The following EPHA7 variants were observed in gnomAD, a reference collection of about 807,000 sequenced individuals.
EPHA7 encodes EPH receptor A7, also known as ephrin type-A receptor 7.
In EPHA7, 25 loss-of-function variants were observed where a neutral mutation model predicts 112.6. The observed-to-expected ratio is 0.22, with a 90% CI of 0.16 to 0.31. The LOEUF is 0.31. Ranked by LOEUF, EPHA7 falls within the 10% of genes least tolerant of loss-of-function variation. The pLI, the probability that EPHA7 is intolerant of heterozygous loss-of-function variation, is 1.00. For synonymous variants in EPHA7, 437 were observed against 406.5 expected, an observed-to-expected ratio of 1.07 and a Z score of -0.90; for missense variants, 962 against 1,212.6, an observed-to-expected ratio of 0.79 and a Z score of 3.07.
At chr6:93,387,336 C>T (rs1777659068) in intron 3 of EPHA7, among the ~76,000 whole-genome samples, 1 of 152,126 alleles carries the variant, frequency 6.6e-6, no homozygotes, top group South Asian at 2.1e-4. Context: ...TCATCTCCAT[C>T]TGAGACCACC....
chr6:93,245,644 T>A (rs932900354), intron 15 of EPHA7, among the ~76,000 whole-genome samples, 191 bp from the exon 16 acceptor site: 3 of 152,162 alleles, frequency 2.0e-5, no homozygotes. Context: ...ACTCCTAAAT[T>A]TACATTTTAT....
intron 5 of EPHA7, among the ~76,000 whole-genome samples, chr6:93,327,872 T>C (rs145079837): frequency 1.4e-3 from 216 of 151,674 alleles, no homozygotes; most frequent in African/African-American, 5.0e-3. Context: ...GTTATGAAAG[T>C]ATATTCATGT....
intron 5 of EPHA7, among the ~76,000 whole-genome samples, chr6:93,293,766 G>A (rs1238643952): frequency 3.9e-5 from 6 of 152,148 alleles, no homozygotes; most frequent in African/African-American, 1.4e-4. Flanking sequence ...AATTTCCTTG[G>A]AAGACATGTT....
At chr6:93,394,833 C>T (rs952938094) in intron 3 of EPHA7, among the ~76,000 whole-genome samples, 2 of 151,784 alleles carry the variant, frequency 1.3e-5, no homozygotes, top group Non-Finnish European at 2.9e-5. Context: ...CTCAGAAAAT[C>T]CAGTGCTATG....
chr6:93,380,062 T>G (rs909812193), intron 3 of EPHA7, among the ~76,000 whole-genome samples: 1 of 152,080 alleles, frequency 6.6e-6, no homozygotes, highest in Admixed American at 6.6e-5. Context: ...CTGGGTTTCT[T>G]GCCTCAGTGA....
intron 5 of EPHA7, among the ~76,000 whole-genome samples, chr6:93,329,095 TA>T (rs1346421844): frequency 1.3e-5 from 2 of 151,522 alleles, no homozygotes; most frequent in Admixed American, 1.3e-4. Flanking sequence ...TGATGTAGGG[TA>T]TTTTTTTCAT....
At chr6:93,288,051 C>CT (rs1162757591) in intron 5 of EPHA7, among the ~76,000 whole-genome samples, 1 of 151,986 alleles carries the variant, frequency 6.6e-6, no homozygotes, top group African/African-American at 2.4e-5. Context: ...ATAAAGTTAC[C>CT]ATATGACCTA....
intron 5 of EPHA7, among the ~76,000 whole-genome samples, chr6:93,299,888 C>T (rs907912798): frequency 1.3e-5 from 2 of 152,122 alleles, no homozygotes; most frequent in Non-Finnish European, 2.9e-5. Context: ...AAAGTGAATA[C>T]TACATGTTCT....
chr6:93,308,157 C>A (rs1043796738), intron 5 of EPHA7, among the ~76,000 whole-genome samples: 7 of 152,032 alleles, frequency 4.6e-5, no homozygotes, highest in Non-Finnish European at 8.8e-5. Context: ...CATTTTTAAT[C>A]TTTTGAGGTT....
In EPHA7 at chr6:93,246,837, A is replaced by G; in HGVS notation, c.2681T>C (p.Ile894Thr). 6.2e-7 allele frequency: 1 copy of G among 1,612,868 alleles called. No homozygotes were observed. Among genetic ancestry groups the G allele is most frequent in the Non-Finnish European group, 8.5e-7 (1 of 1,178,960 alleles). Reference protein sequence around the residue: ...EQIVGILDKMIRNPNSLKTPL... With the variant: ...EQIVGILDKMTRNPNSLKTPL... Reference sequence around the variant, plus strand: ...AGTTTTCAGACTATTTGGGTTTCGAATCATTTTGTCTAGAATTCCAACTAT... The same window carrying G: ...AGTTTTCAGACTATTTGGGTTTCGAGTCATTTTGTCTAGAATTCCAACTAT... Residue 894 changes from isoleucine (I) to threonine (T), a missense_variant, in exon 15 of 17, where the codon ATT becomes ACT. Around this residue, in one of 3 missense-constraint regions of EPHA7, gnomAD observed 746 missense variants for 889.2 expected, o/e 0.84. Transcript: ENST00000369303.
intron 3 of EPHA7, among the ~76,000 whole-genome samples, chr6:93,374,964 A>G (rs1324247027): frequency 6.6e-6 from 1 of 152,178 alleles, no homozygotes. Flanking sequence ...ACATACAAAA[A>G]TTTCTGAATA....
chr6:93,396,069 C>T (rs1778157425), intron 3 of EPHA7, among the ~76,000 whole-genome samples: 1 of 151,856 alleles, frequency 6.6e-6, no homozygotes, highest in African/African-American at 2.4e-5. Flanking sequence ...AGGATGCAAT[C>T]AGACAGGCAA....
intron 4 of EPHA7, among the ~76,000 whole-genome samples, chr6:93,357,953 C>A (rs943327846): frequency 6.6e-6 from 1 of 152,100 alleles, no homozygotes; most frequent in African/African-American, 2.4e-5. Context: ...AGCCACCCTG[C>A]CTGACTGACC....
chr6:93,291,046 C>G (rs1772333413), intron 5 of EPHA7, among the ~76,000 whole-genome samples: 1 of 152,100 alleles, frequency 6.6e-6, no homozygotes, highest in Non-Finnish European at 1.5e-5. Context: ...ACCAAGAAAT[C>G]CGAATTTTTC....
chr6:93,250,272 C>G (rs1045885723), intron 14 of EPHA7, among the ~76,000 whole-genome samples: 1 of 152,106 alleles, frequency 6.6e-6, no homozygotes, highest in South Asian at 2.1e-4. Flanking sequence ...GAGGCAAAAA[C>G]TGAACTTTGA....
At chr6:93,310,503 A>G (rs1014332449) in intron 5 of EPHA7, among the ~76,000 whole-genome samples, 6 of 152,128 alleles carry the variant, frequency 3.9e-5, no homozygotes, top group Non-Finnish European at 7.3e-5. Flanking sequence ...CGTCTCTATT[A>G]AAAATACAGA....
chr6:93,380,049 A>G (rs1777257424), intron 3 of EPHA7, among the ~76,000 whole-genome samples: 2 of 152,084 alleles, frequency 1.3e-5, no homozygotes, highest in Admixed American at 6.6e-5. Context: ...TAGTATGAAG[A>G]ATCTGGGTTT....
At chr6:93,284,616 A>T (rs1771965162) in intron 5 of EPHA7, among the ~76,000 whole-genome samples, 1 of 152,194 alleles carries the variant, frequency 6.6e-6, no homozygotes, top group South Asian at 2.1e-4. Context: ...TCAATGACAG[A>T]CTGGATAAAG....
intron 3 of EPHA7, among the ~76,000 whole-genome samples, chr6:93,408,075 C>T (rs1032676837): frequency 4.6e-5 from 7 of 151,860 alleles, no homozygotes; most frequent in Admixed American, 2.0e-4. Context: ...CACAAAAACC[C>T]GTAATCTTCT....
Sources: gnomAD v4.1 joint callset for allele counts (sites outside exome capture counted in the v4.1 genomes callset) on GRCh38, gnomAD v4.1.1 for gene constraint, gnomAD v4.1.1 regional missense constraint, MANE v1.5 for transcripts, NCBI Gene and HGNC (gene_info 2026-07-23, HGNC 2026-07-21) for gene names.